DQX1: variants seen among roughly 807,000 people sequenced by gnomAD.
DQX1 encodes DEAQ-box RNA dependent ATPase 1.
In DQX1, 66 loss-of-function variants were observed where a neutral mutation model predicts 81.3. The ratio of observed to expected loss-of-function variants is 0.81; its 90% CI spans 0.67 to 1.00. The LOEUF is 1.00. Among genes scored for constraint, DQX1 ranks in the 50% least tolerant of loss-of-function variants. The pLI is 0.00. For synonymous variants in DQX1, 290 were observed against 350.0 expected (o/e 0.83, Z 1.91); for missense variants, 798 against 867.9 (o/e 0.92, Z 1.01).
intron 8 of DQX1, among the ~76,000 whole-genome samples, chr2:74,521,749 C>T (rs1037202889): frequency 4.6e-5 from 6 of 131,522 alleles, no homozygotes; most frequent in Admixed American, 4.3e-4. Context: ...CTCCCCCTCT[C>T]CCCCTCTTTC....
chr2:74,519,047 G>A lies in DQX1; in HGVS notation c.1990C>T (p.Pro664Ser), dbSNP rs1674957605. The part of the protein sequence containing the change: ...NCLSIVSEIQ[P>S]QMLVELAPPY... ...GGATGTCAGGGAACTCACATCTGTG[G>A]TTGAATCTCAGAAACAATGGAAAGG... Residue 664 changes from proline to serine, a missense_variant, in exon 11 of 12, where the codon CCA becomes TCA. Pro to Ser is a moderately conservative substitution (Grantham distance 74, BLOSUM62 -1). Transcript: ENST00000404568. The A allele has an allele frequency of 6.3e-7, 1 of 1,581,358 alleles. No homozygotes were observed. The highest frequency in any genetic ancestry group is 1.2e-5 in the South Asian group (1 of 85,832).
Position 74,525,697 on chromosome 2 carries a change from C to G in DQX1, c.33G>C (p.Glu11Asp). 6.4e-7 allele frequency: 1 copy of G among 1,551,738 alleles called. No homozygotes were observed. The highest frequency in any genetic ancestry group is 8.7e-7 in the Non-Finnish European group (1 of 1,147,010). Reference protein sequence around the residue: MTSQPLRLAEEYGPSPGESEL... With the variant: MTSQPLRLAEDYGPSPGESEL... Reference sequence around the variant, plus strand: ...CAGACTCCCCAGGACTTGGGCCATACTCTTCTGCTAGCCTGAGAGGCTGAG... The same window carrying G: ...CAGACTCCCCAGGACTTGGGCCATAGTCTTCTGCTAGCCTGAGAGGCTGAG... Residue 11 changes from glutamate to aspartate, a missense_variant, in exon 2 of 12, where the codon GAG (glutamate) becomes GAC (aspartate). By Grantham distance (45) the Glu-to-Asp change is conservative (BLOSUM62 2). Transcript: ENST00000404568. This position sits in a 1 kb window ranked among gnomAD's most constrained non-coding sequence, Gnocchi z 4.1.
In DQX1 at chr2:74,525,856, C is replaced by G. The variant is rs536388969; in HGVS notation, c.-19-108G>C. 6.6e-5 allele frequency: 49 copies of G among 746,378 alleles called. No homozygotes were observed. In the East Asian group the frequency reaches 1.3e-3, roughly 20 times the overall value. The allele number at this position is 746,378 out of a possible 1,614,324, so 46.2% of individuals were successfully genotyped here. ...CCTTCAGTTGATCATGCTCTGGGGCCCACCCTTCCCAGCATTTCCTGCCAG... is the reference window on the plus strand; with the variant it reads ...CCTTCAGTTGATCATGCTCTGGGGCGCACCCTTCCCAGCATTTCCTGCCAG... On this transcript the variant is annotated intron_variant, in intron 1 of 11. Coordinates refer to ENST00000404568, the MANE Select transcript of DQX1 (RefSeq NM_133637.3). This position sits in a 1 kb window ranked among gnomAD's most constrained non-coding sequence, Gnocchi z 4.1.
At position 74,518,515 on chromosome 2, in the gene DQX1, C is replaced by T. The variant is rs554672292; in HGVS notation, c.2085G>A (p.Met695Ile). The change falls in exon 12 of 12, where the codon ATG (methionine) becomes ATA (isoleucine). Residue 695 changes from methionine (M) to isoleucine (I), a missense_variant. Transcript: ENST00000404568. ...ATTTGCTCCCTGCTGTAGAATCTGC[C>T]ATTCCTTCCCTTAGCTGGTTCAGAA... is the stretch of plus-strand genomic sequence containing the variant. ...RDLLNQLREG[M>I]ADSTAGSKSS... is the part of the protein sequence containing the mutation. The T allele has an allele frequency of 6.2e-7, 1 of 1,614,232 alleles. No homozygotes were observed. Among genetic ancestry groups the T allele is most frequent in the South Asian group, 1.1e-5 (1 of 91,084 alleles).
chr2:74,523,007 G>A lies in DQX1; in HGVS notation c.1152C>T (p.Cys384=), dbSNP rs1359541156. ...LRARGFPPGS[C]LCLYPKSFLE... The stretch of plus-strand genomic sequence containing the variant: ...AGAAGGACTTAGGATACAGGCAGAG[G>A]CAGGATCCTGAGGGGAAAAAGACCT... Residue 384 remains cysteine (C), a synonymous_variant, in exon 7 of 12, where the codon TGC becomes TGT. Coordinates refer to ENST00000404568, the MANE Select transcript of DQX1 (RefSeq NM_133637.3). 1.9e-6 allele frequency: 3 copies of A among 1,614,196 alleles called. No individual in the cohort carries two copies. Among genetic ancestry groups the A allele is most frequent in the Non-Finnish European group, 2.5e-6 (3 of 1,180,016 alleles).
chr2:74,520,435 G>A (rs1389058659), intron 8 of DQX1, among the ~76,000 whole-genome samples: 5 of 152,216 alleles, frequency 3.3e-5, no homozygotes, highest in Non-Finnish European at 7.3e-5. Context: ...AGACGGGGCA[G>A]GGAGTATGTT....
Position 74,525,053 on chromosome 2 carries a change from G to A in DQX1, c.387C>T (p.Tyr129=). The A allele has an allele frequency of 6.2e-7, 1 of 1,614,174 alleles. No individual in the cohort carries two copies. Among genetic ancestry groups the A allele is most frequent in the East Asian group, 2.2e-5 (1 of 44,878 alleles). The change falls in exon 3 of 12, where the codon TAC becomes TAT. Residue 129 remains tyrosine (Y), a synonymous_variant. Transcript: ENST00000404568. The surrounding 1 kb of genome is among the most constrained non-coding windows in gnomAD (Gnocchi z 4.1). ...MDLTLGHEVG[Y]SIPQEDCTGP... ...CCGTGCAGTCCTCCTGGGGGATGCT[G>A]TATCCAACCTCATGACCCAGGGTCA...
Position 74,519,238 on chromosome 2 carries a change from A to G in DQX1, c.1807-8T>C. 6.5e-7 allele frequency: 1 copy of G among 1,546,132 alleles called. No homozygotes were observed. Among genetic ancestry groups the G allele is most frequent in the East Asian group, 2.3e-5 (1 of 44,082 alleles). Reference sequence around the variant, plus strand: ...GTCTGTGTCTCTGGCCACCTTATTGAAAGGCAGAAATATTGACGGAATAAA... The same window carrying G: ...GTCTGTGTCTCTGGCCACCTTATTGGAAGGCAGAAATATTGACGGAATAAA... On this transcript the variant is annotated splice_polypyrimidine_tract_variant and splice_region_variant and intron_variant, in intron 10 of 11. Coordinates refer to ENST00000404568, the MANE Select transcript of DQX1 (RefSeq NM_133637.3).
chr2:74,519,574 C>T lies in DQX1; in HGVS notation c.1788G>A (p.Val596=). The change falls in exon 10 of 12, where the codon GTG becomes GTA. Residue 596 remains valine, a synonymous_variant. Transcript: ENST00000404568. ...QNRRDLQKAL[V]SGYFLKVARD... ...CTCTAACCTTGAGAAAGTATCCTGA[C>T]ACCAGTGCTTTCTGAAGGTCTCTGC... 4 of 1,614,222 alleles carry T rather than the reference C, an allele frequency of 2.5e-6. No homozygotes were observed. The highest frequency in any genetic ancestry group is 3.4e-6 in the Non-Finnish European group (4 of 1,180,034).
chr2:74,518,957 C>A lies in DQX1; in HGVS notation c.1997+83G>T, dbSNP rs1674955863. On this transcript the variant is annotated intron_variant, in intron 11 of 11. Transcript: ENST00000404568. ...TTTTTACTAACCACTAAGATCCCTT[C>A]CTCTGTCTCTCTAACTCCCCAGCCA... The A allele has an allele frequency of 3.0e-6, 4 of 1,341,284 alleles. No individual in the cohort carries two copies. The Admixed American group carries it at 9.9e-5, about 33-fold the overall frequency. The allele number at this position is 1,341,284 out of a possible 1,614,324, so 83.1% of individuals were successfully genotyped here.
rs151136945 is a variant in DQX1 at position 74,519,599 on chromosome 2, C to T, written c.1763G>A (p.Arg588His). Residue 588 changes from arginine (R) to histidine (H), a missense_variant, in exon 10 of 12, where the codon CGC (arginine) becomes CAC (histidine). Physicochemically the swap from Arg to His is conservative, Grantham distance 29 (BLOSUM62 0). Transcript: ENST00000404568. ...SLPAFGSEQN[R>H]RDLQKALVSG... The stretch of plus-strand genomic sequence containing the variant: ...CACCAGTGCTTTCTGAAGGTCTCTG[C>T]GATTCTGCTCAGAGCCAAAGGCTGG... 33 of 1,614,094 alleles carry T rather than the reference C, an allele frequency of 2.0e-5. No homozygotes were observed. The African/African-American group carries it at 2.1e-4, about 10-fold the overall frequency.
chr2:74,523,032 T>A lies in DQX1; in HGVS notation c.1145-18A>T. On this transcript the variant is annotated intron_variant, in intron 6 of 11. Coordinates refer to ENST00000404568, the MANE Select transcript of DQX1 (RefSeq NM_133637.3). ...GCAGGATCCTGAGGGGAAAAAGACC[T>A]GGGAAAGAAGACCACTGTAGATTTC... 4.3e-6 allele frequency: 7 copies of A among 1,613,920 alleles called. No homozygotes were observed. The highest frequency in any genetic ancestry group is 5.9e-6 in the Non-Finnish European group (7 of 1,179,846).
At chr2:74,518,667 G>C in intron 11 of DQX1, 65 bp from the exon 12 acceptor site, 2 of 1,532,068 alleles carry the variant, frequency 1.3e-6, no homozygotes, top group South Asian at 2.3e-5. Flanking sequence ...TCTTTTTAGA[G>C]ACAGGGTCTC....
intron 4 of DQX1, 105 bp downstream of exon 4, chr2:74,523,818 G>A: frequency 7.1e-7 from 1 of 1,406,792 alleles, no homozygotes; most frequent in Non-Finnish European, 9.4e-7. Flanking sequence ...TTCCTAAGAG[G>A]CATTGCTCCC....
In DQX1 at chr2:74,523,509, G is replaced by A. The variant is rs1405683994; in HGVS notation, c.845C>T (p.Ser282Phe). ...GAGAAGCAAGGACTCTACCTCCCTG[G>A]ACAAGGATTCACAGCACAGGGAAAT... ...EEISLCCESL[S>F]REVESLLLQG... is the part of the protein sequence containing the mutation. Residue 282 changes from serine (S) to phenylalanine (F), a missense_variant, in exon 5 of 12, where the codon TCC (serine) becomes TTC (phenylalanine). By Grantham distance (155) the Ser-to-Phe change is radical. Transcript: ENST00000404568. The A allele has an allele frequency of 1.2e-6, 2 of 1,611,586 alleles. No individual in the cohort carries two copies. Among genetic ancestry groups the A allele is most frequent in the Admixed American group, 3.3e-5 (2 of 59,950 alleles).
In DQX1 at chr2:74,523,391, C is replaced by T; in HGVS notation, c.963G>A (p.Val321=). The T allele has an allele frequency of 3.1e-6, 5 of 1,614,154 alleles. No homozygotes were observed. The highest frequency in any genetic ancestry group is 1.3e-5 in the African/African-American group (1 of 75,016). The change falls in exon 5 of 12, where the codon GTG becomes GTA. Residue 321 remains valine (V), a synonymous_variant. Transcript: ENST00000404568. ...VYEDMDARKV[V]VTHWLADFSF... ...AGAAGTCAGCCAGCCAGTGAGTGAC[C>T]ACAACCTTTCGGGCATCCATGTCCT...
intron 8 of DQX1, among the ~76,000 whole-genome samples, chr2:74,521,369 G>T (rs1193119637): frequency 6.6e-6 from 1 of 152,158 alleles, no homozygotes; most frequent in African/African-American, 2.4e-5. Flanking sequence ...TCCATCAGGG[G>T]CTGGGTGCCG....
At chr2:74,524,360 A>G in intron 3 of DQX1, 53 bp from the exon 4 acceptor site, 1 of 1,552,868 alleles carries the variant, frequency 6.4e-7, no homozygotes, top group South Asian at 1.2e-5. Flanking sequence ...GACCAGCCCC[A>G]CAAGCTCAGG....
In DQX1 at chr2:74,522,917, C is replaced by A; in HGVS notation, c.1242G>T (p.Val414=). The change falls in exon 7 of 12, where the codon GTG becomes GTT. Residue 414 remains valine (V), a synonymous_variant. Coordinates refer to ENST00000404568, the MANE Select transcript of DQX1 (RefSeq NM_133637.3). ...RVCEENLSSL[V]LLLKRRQIAE... Reference sequence around the variant, plus strand: ...CAATCTGTCTCCTTTTTAGTAGTAACACCAGGGAGCTCAGATTCTCCTCAC... The same window carrying A: ...CAATCTGTCTCCTTTTTAGTAGTAAAACCAGGGAGCTCAGATTCTCCTCAC... 1 of 1,614,168 alleles carries A rather than the reference C, an allele frequency of 6.2e-7. No individual in the cohort carries two copies. Among genetic ancestry groups the A allele is most frequent in the Non-Finnish European group, 8.5e-7 (1 of 1,180,044 alleles).
Sources: allele counts gnomAD v4.1 joint callset (sites outside exome capture counted in the v4.1 genomes callset), GRCh38; gene constraint gnomAD v4.1.1; non-coding constraint Gnocchi (gnomAD v3.1); transcripts MANE v1.5; gene names NCBI Gene and HGNC (gene_info 2026-07-23, HGNC 2026-07-21).